The following FTO variants were observed in gnomAD, a reference collection of about 807,000 sequenced individuals.
FTO encodes FTO alpha-ketoglutarate dependent dioxygenase.
FTO carries 47 observed loss-of-function variants against 63.9 expected under a neutral mutation model. The observed-to-expected ratio is 0.74, with a 90% confidence interval of 0.58 to 0.94. FTO has a LOEUF of 0.94. FTO is among the 40% of genes least tolerant of loss of function. The pLI is 0.00. For missense variants in FTO, 562 were observed against 618.1 expected, an observed-to-expected ratio of 0.91 and a Z score of 0.96; for synonymous variants, 207 against 224.4, an observed-to-expected ratio of 0.92 and a Z score of 0.69.
chr16:53,922,768 A>C (rs541503135), intron 7 of FTO, among the ~76,000 whole-genome samples: 4 of 152,222 alleles, frequency 2.6e-5, no homozygotes, highest in African/African-American at 9.6e-5. Context: ...CCCAGAACCA[A>C]CAGTAGAACA....
rs1027629588 is a variant in FTO at position 53,877,421 on chromosome 16, A to G, written c.976-2423A>G. The stretch of plus-strand genomic sequence containing the variant: ...ATGAATAACTCTTGAAAACATACGA[A>G]ATGGAAGCAACCAGTCACAAAAGAT... On this transcript the variant is annotated intron_variant, in intron 5 of 8. Coordinates refer to ENST00000471389, the MANE Select transcript of FTO (RefSeq NM_001080432.3). 1.2e-4 allele frequency among the ~76,000 whole-genome samples: 18 copies of G among 152,178 alleles called. 1 individual carries two copies. The highest frequency in any genetic ancestry group is 3.3e-4 in the Admixed American group (5 of 15,274).
chr16:54,041,937 G>A (rs1299456793), intron 8 of FTO, among the ~76,000 whole-genome samples: 2 of 152,154 alleles, frequency 1.3e-5, no homozygotes, highest in African/African-American at 4.8e-5. Flanking sequence ...TATGTCCTGC[G>A]GATGGCTGTT....
At chr16:53,946,321 A>T (rs987783450) in intron 8 of FTO, among the ~76,000 whole-genome samples, 5 of 152,216 alleles carry the variant, frequency 3.3e-5, no homozygotes, top group African/African-American at 1.2e-4. Context: ...TGCGTGAAAG[A>T]AATAGGTTAG....
At chr16:53,751,206 G>A (rs2076781377) in intron 1 of FTO, among the ~76,000 whole-genome samples, 1 of 151,956 alleles carries the variant, frequency 6.6e-6, no homozygotes. Context: ...TCAGGAGTTC[G>A]AGACCAGCCC....
chr16:53,911,756 G>A (rs1408791821), intron 7 of FTO, among the ~76,000 whole-genome samples: 2 of 152,220 alleles, frequency 1.3e-5, no homozygotes, highest in Non-Finnish European at 2.9e-5. Context: ...ATTTTAATTT[G>A]CAAAACCTTT....
At chr16:54,052,647 A>G (rs1273743248) in intron 8 of FTO, 2 of 152,174 alleles carry the variant, frequency 1.3e-5, no homozygotes, top group East Asian at 1.9e-4. Context: ...GTTGATAGGC[A>G]TGTGATGCCC....
chr16:54,069,661 A>C lies in FTO; in HGVS notation c.1365-42101A>C, dbSNP rs989106461. 2.0e-4 allele frequency among the ~76,000 whole-genome samples: 30 copies of C among 151,806 alleles called. 1 individual carries two copies. The highest frequency in any genetic ancestry group is 6.5e-4 in the African/African-American group (27 of 41,356). ...CTATTCATAAGTATTATTTTTTTTT[A>C]ATGGAAAGATTAGTTGGATTGGAGC... On this transcript the variant is annotated intron_variant, in intron 8 of 8. Coordinates refer to ENST00000471389, the MANE Select transcript of FTO (RefSeq NM_001080432.3).
At chr16:53,747,435 A>C (rs1390392397) in intron 1 of FTO, among the ~76,000 whole-genome samples, 1 of 152,068 alleles carries the variant, frequency 6.6e-6, no homozygotes, top group African/African-American at 2.4e-5. Flanking sequence ...TTCTTTAATG[A>C]TTAGTAATGT....
At chr16:53,897,028 C>T (rs1172499542) in intron 7 of FTO, among the ~76,000 whole-genome samples, 1 of 152,142 alleles carries the variant, frequency 6.6e-6, no homozygotes, top group Non-Finnish European at 1.5e-5. Flanking sequence ...ACATAACCAC[C>T]ATCCTGCTCC....
At chr16:53,800,432 G>A (rs568681089) in intron 1 of FTO, among the ~76,000 whole-genome samples, 1 of 152,242 alleles carries the variant, frequency 6.6e-6, no homozygotes, top group East Asian at 1.9e-4. Context: ...AATATTGTAT[G>A]TGTATTTGAA....
intron 1 of FTO, among the ~76,000 whole-genome samples, chr16:53,774,979 G>A (rs1041423490): frequency 5.3e-5 from 8 of 152,104 alleles, no homozygotes. Context: ...CAAGGTGATG[G>A]CCTCCATTTT....
At chr16:53,738,393 C>T (rs781003618) in intron 1 of FTO, among the ~76,000 whole-genome samples, 57 of 152,182 alleles carry the variant, frequency 3.7e-4, no homozygotes, top group Non-Finnish European at 5.7e-4. Context: ...CCTCCCTCCT[C>T]GGCCTCCCAA....
At chr16:54,058,160 G>A (rs2144369313) in intron 8 of FTO, among the ~76,000 whole-genome samples, 1 of 152,186 alleles carries the variant, frequency 6.6e-6, no homozygotes, top group Middle Eastern at 3.4e-3. Context: ...CAAGACTGGA[G>A]TTCAGTGACA....
intron 3 of FTO, among the ~76,000 whole-genome samples, chr16:53,838,379 T>C (rs1965023): frequency 0.23 from 35,070 of 152,114 alleles, 4,265 homozygotes; most frequent in Middle Eastern, 0.31. Flanking sequence ...GGCACTATCT[T>C]GGCTTACTGC....
intron 7 of FTO, among the ~76,000 whole-genome samples, chr16:53,932,096 T>A (rs2082299167): frequency 6.6e-6 from 1 of 152,158 alleles, no homozygotes; most frequent in Non-Finnish European, 1.5e-5. Flanking sequence ...GTATTTGAAT[T>A]TGCAACCTGT....
chr16:54,080,476 A>G (rs2086115495), intron 8 of FTO, among the ~76,000 whole-genome samples: 1 of 152,192 alleles, frequency 6.6e-6, no homozygotes, highest in Admixed American at 6.5e-5. Context: ...AACTTAGCAA[A>G]GTTTTATAAT....
At chr16:53,820,853 G>A (rs1465957862) in intron 2 of FTO, among the ~76,000 whole-genome samples, 1 of 152,146 alleles carries the variant, frequency 6.6e-6, no homozygotes, top group East Asian at 1.9e-4. Context: ...GTGGAGTTGG[G>A]GGAGGAGCCT....
At chr16:54,094,924 C>G (rs768464338) in intron 8 of FTO, among the ~76,000 whole-genome samples, 1 of 152,138 alleles carries the variant, frequency 6.6e-6, no homozygotes, top group African/African-American at 2.4e-5. Flanking sequence ...CGGCGGTTCC[C>G]CATCTCACTT....
intron 1 of FTO, among the ~76,000 whole-genome samples, chr16:53,762,984 T>TA (rs59201596): frequency 0.55 from 83,391 of 151,394 alleles, 23,191 homozygotes; most frequent in Middle Eastern, 0.61. Flanking sequence ...TATAGCCTGA[T>TA]ACGATCTTAC....
Sources: gnomAD v4.1 joint callset for allele counts (sites outside exome capture counted in the v4.1 genomes callset) on GRCh38, gnomAD v4.1.1 for gene constraint, MANE v1.5 for transcripts, NCBI Gene and HGNC (gene_info 2026-07-23, HGNC 2026-07-21) for gene names.